SMYD5: variants seen among roughly 807,000 people sequenced by gnomAD.
SMYD5 encodes the protein protein-lysine N-trimethyltransferase SMYD5.
In SMYD5, 35 loss-of-function variants were observed where a neutral mutation model predicts 57.4. The observed-to-expected ratio is 0.61, with a 90% confidence interval of 0.47 to 0.81. The LOEUF is 0.81. Among genes scored for constraint, SMYD5 ranks in the 30% least tolerant of loss-of-function variants. The probability of loss-of-function intolerance (pLI) is 0.00; values close to 1 mark genes in which losing one functional copy is unlikely to be tolerated. For synonymous variants in SMYD5, 198 were observed against 189.7 expected (o/e 1.04, Z -0.36); for missense variants, 471 against 527.9 (o/e 0.89, Z 1.06).
chr2:73,223,855 C>A, intron 9 of SMYD5, 92 bp from the exon 10 acceptor site: 1 of 1,175,262 alleles, frequency 8.5e-7, no homozygotes, highest in Non-Finnish European at 1.3e-6. Flanking sequence ...GGTTGCAGGA[C>A]AGTGGAGACA....
chr2:73,219,892 C>T, intron 2 of SMYD5, 159 bp from the exon 3 acceptor site: 1 of 863,044 alleles, frequency 1.2e-6, no homozygotes, highest in East Asian at 2.4e-5. Flanking sequence ...TTCATTCATC[C>T]ATTCATCCAT....
At chr2:73,218,012 G>A (rs1042365729) in intron 1 of SMYD5, among the ~76,000 whole-genome samples, 1 of 152,156 alleles carries the variant, frequency 6.6e-6, no homozygotes, top group Non-Finnish European at 1.5e-5. Flanking sequence ...ATCTTGTTAC[G>A]ATGCAGATTC....
rs1197830615 is a variant in SMYD5 at position 73,226,162 on chromosome 2, G to A, written c.*216G>A. The stretch of plus-strand genomic sequence containing the variant: ...CTGCTGCTGAGTTGGCTCAGACTCT[G>A]CACTGGCACTGAGCCTTTCACAACT... On this transcript the variant is annotated 3_prime_UTR_variant, in exon 13 of 13. Transcript: ENST00000389501. 3 of 621,712 alleles carry A rather than the reference G, an allele frequency of 4.8e-6. No individual in the cohort carries two copies. Among genetic ancestry groups the A allele is most frequent in the Non-Finnish European group, 8.2e-6 (3 of 365,368 alleles). The allele number at this position is 621,712 out of a possible 1,614,324, so 38.5% of individuals were successfully genotyped here.
chr2:73,218,999 C>A, intron 2 of SMYD5, 30 bp downstream of exon 2: 1 of 1,514,742 alleles, frequency 6.6e-7, no homozygotes, highest in Non-Finnish European at 9.2e-7. Context: ...TCCTCATGGC[C>A]CAGTCGTCTT....
Position 73,225,972 on chromosome 2 carries a change from G to A in SMYD5, c.*26G>A. The A allele has an allele frequency of 1.9e-6, 3 of 1,588,180 alleles. No homozygotes were observed. The highest frequency in any genetic ancestry group is 2.6e-6 in the Non-Finnish European group (3 of 1,167,658). On this transcript the variant is annotated 3_prime_UTR_variant, in exon 13 of 13. Coordinates refer to ENST00000389501, the MANE Select transcript of SMYD5 (RefSeq NM_006062.3). ...TGTTGCCCTGCCCAGAAAGGGCCCT[G>A]CCCTAGACCCTGCCAGAAAAGGGGG...
At chr2:73,219,121 C>G in intron 2 of SMYD5, 152 bp downstream of exon 2, 1 of 648,470 alleles carries the variant, frequency 1.5e-6, no homozygotes, top group Non-Finnish European at 2.8e-6. Flanking sequence ...AACCATGCCT[C>G]TGTCCAGTCT....
At chr2:73,221,954 C>G (rs376721757) in intron 6 of SMYD5, 24 bp downstream of exon 6, 13 of 1,384,932 alleles carry the variant, frequency 9.4e-6, no homozygotes, top group Non-Finnish European at 1.3e-5. Context: ...CGTGGCCTGT[C>G]TCCTTCCCTC....
Position 73,223,438 on chromosome 2 carries a change from G to A in SMYD5, c.789G>A (p.Gln263=), listed in dbSNP as rs1558553126. ...GQGIGTSSLS[Q]WVHACDTLEL... is the part of the protein sequence containing the mutation. ...TGGGACCCCCCAGCTCCCTAAGCCAGTGGGTCCATGCCTGTGACACTCTGG... is the reference window on the plus strand; with the variant it reads ...TGGGACCCCCCAGCTCCCTAAGCCAATGGGTCCATGCCTGTGACACTCTGG... Residue 263 remains glutamine, a synonymous_variant, in exon 9 of 13, where the codon CAG becomes CAA. Transcript: ENST00000389501. 1 of 1,613,854 alleles carries A rather than the reference G, an allele frequency of 6.2e-7. No homozygotes were observed. Among genetic ancestry groups the A allele is most frequent in the Non-Finnish European group, 8.5e-7 (1 of 1,179,738 alleles).
At chr2:73,223,352 A>T in intron 8 of SMYD5, 74 bp from the exon 9 acceptor site, 1 of 1,061,042 alleles carries the variant, frequency 9.4e-7, no homozygotes, top group Non-Finnish European at 1.5e-6. Context: ...CCTGGGCTTA[A>T]CTTACCTGGA....
intron 1 of SMYD5, 103 bp downstream of exon 1, chr2:73,214,465 G>T: frequency 6.4e-7 from 1 of 1,573,304 alleles, no homozygotes; most frequent in Non-Finnish European, 8.6e-7. Context: ...TGTGCCGCTC[G>T]GACGCTACGG....
Position 73,220,119 on chromosome 2 carries a change from G to A in SMYD5, c.274G>A (p.Gly92Ser), listed in dbSNP as rs1216392551. Residue 92 changes from glycine (G) to serine (S), a missense_variant, in exon 3 of 13, where the codon GGC becomes AGC. Gly to Ser is a moderately conservative substitution (Grantham distance 56). Coordinates refer to ENST00000389501, the MANE Select transcript of SMYD5 (RefSeq NM_006062.3). ...TGCCCAGAGGCTGACCGGGAAACCA[G>A]GCCAGGTTCTGCCTCACCCAGAGCT... The part of the protein sequence containing the change: ...ENAQRLTGKP[G>S]QVLPHPELCT... 2 of 1,614,058 alleles carry A rather than the reference G, an allele frequency of 1.2e-6. No homozygotes were observed. The highest frequency in any genetic ancestry group is 1.7e-6 in the Non-Finnish European group (2 of 1,180,036).
At chr2:73,220,264 A>G in intron 3 of SMYD5, 74 bp downstream of exon 3, 1 of 1,540,830 alleles carries the variant, frequency 6.5e-7, no homozygotes. Flanking sequence ...CAGTGGGGAG[A>G]CAGGAGCAGC....
chr2:73,220,201 T>C lies in SMYD5; in HGVS notation c.345+11T>C, dbSNP rs917972245. 1.2e-6 allele frequency: 2 copies of C among 1,613,330 alleles called. No homozygotes were observed. The highest frequency in any genetic ancestry group is 1.3e-5 in the African/African-American group (1 of 75,046). ...TGTCCCCATTGCCAAGTGAGTATTC[T>C]TGGGGAGTGTACCTGGAAGGGGGTG... On this transcript the variant is annotated intron_variant, in intron 3 of 12. Transcript: ENST00000389501.
At chr2:73,225,573 G>A in intron 11 of SMYD5, 58 bp from the exon 12 acceptor site, 2 of 1,495,588 alleles carry the variant, frequency 1.3e-6, no homozygotes, top group Non-Finnish European at 9.3e-7. Context: ...CTGTTGGGGA[G>A]GTCCTTATGC....
At chr2:73,224,084 T>C in intron 10 of SMYD5, 81 bp downstream of exon 10, 1 of 1,334,354 alleles carries the variant, frequency 7.5e-7, no homozygotes, top group Non-Finnish European at 1.1e-6. Context: ...TTTATCTTTC[T>C]CAGTTGGCCC....
chr2:73,223,523 A>T lies in SMYD5; in HGVS notation c.874A>T (p.Ile292Phe). The change falls in exon 9 of 13, where the codon ATC becomes TTC. Residue 292 changes from isoleucine (I) to phenylalanine (F), a missense_variant. Physicochemically the swap from Ile to Phe is conservative, Grantham distance 21. Transcript: ENST00000389501. ...DAFIDQLYKD[I>F]EAATGEFLNC... ...CTTCATTGACCAGCTATACAAGGAC[A>T]TCGAGGCAGGTTGGTGAGATAGGGC... The T allele has an allele frequency of 6.2e-7, 1 of 1,612,834 alleles. No individual in the cohort carries two copies. Among genetic ancestry groups the T allele is most frequent in the Non-Finnish European group, 8.5e-7 (1 of 1,178,798 alleles).
At chr2:73,218,668 G>A (rs978208802) in intron 1 of SMYD5, among the ~76,000 whole-genome samples, 193 bp from the exon 2 acceptor site, 8 of 152,230 alleles carry the variant, frequency 5.3e-5, no homozygotes, top group African/African-American at 1.9e-4. Context: ...GGATGCAACT[G>A]AAAATAGGTC....
At chr2:73,221,432 C>CT (rs57627686) in intron 5 of SMYD5, among the ~76,000 whole-genome samples, 198 bp downstream of exon 5, 9,965 of 128,436 alleles carry the variant, frequency 0.078, 813 homozygotes, top group African/African-American at 0.21. Flanking sequence ...TGCCTGTAGT[C>CT]TTTTTTTTTT....
chr2:73,215,531 T>C (rs551548169), intron 1 of SMYD5, among the ~76,000 whole-genome samples: 5 of 152,342 alleles, frequency 3.3e-5, no homozygotes, highest in East Asian at 1.9e-4. Flanking sequence ...TACCTGTTCC[T>C]ATCTCCATCT....
Sources: allele counts gnomAD v4.1 joint callset (sites outside exome capture counted in the v4.1 genomes callset), GRCh38; gene constraint gnomAD v4.1.1; transcripts MANE v1.5; gene names NCBI Gene and HGNC (gene_info 2026-07-23, HGNC 2026-07-21).